ACVR1C: variants seen among roughly 807,000 people sequenced by gnomAD.
ACVR1C encodes activin receptor type-1C.
A neutral mutation model predicts 57.9 loss-of-function variants in ACVR1C; 23 were observed. The observed-to-expected ratio is 0.40, with a 90% CI of 0.29 to 0.56. The LOEUF is 0.56. Among genes scored for constraint, ACVR1C ranks in the 20% least tolerant of loss-of-function variants. ACVR1C has a pLI of 0.50. For missense variants in ACVR1C, 480 were observed against 607.9 expected, an observed-to-expected ratio of 0.79 and a Z score of 2.21; for synonymous variants, 214 against 215.3, an observed-to-expected ratio of 0.99 and a Z score of 0.05.
At chr2:157,598,374 T>A (rs1291856035) in intron 1 of ACVR1C, among the ~76,000 whole-genome samples, 1 of 151,206 alleles carries the variant, frequency 6.6e-6, no homozygotes, top group South Asian at 2.1e-4. Context: ...ATAAAATAGC[T>A]CACATTAAAA....
chr2:157,623,662 G>T (rs1425431721), intron 1 of ACVR1C, among the ~76,000 whole-genome samples: 2 of 152,034 alleles, frequency 1.3e-5, no homozygotes, highest in Non-Finnish European at 2.9e-5. Context: ...AATATGGAAA[G>T]AATGAATAGG....
At chr2:157,623,009 T>C (rs1249025272) in intron 1 of ACVR1C, among the ~76,000 whole-genome samples, 4 of 151,962 alleles carry the variant, frequency 2.6e-5, no homozygotes, top group Non-Finnish European at 5.9e-5. Flanking sequence ...CATGAAAAGG[T>C]GCTCAACATC....
At chr2:157,540,461 G>A (rs1687600318) in intron 7 of ACVR1C, among the ~76,000 whole-genome samples, 1 of 151,896 alleles carries the variant, frequency 6.6e-6, no homozygotes, top group African/African-American at 2.4e-5. Context: ...GGCATGCCTG[G>A]CTAATTTTGT....
At chr2:157,555,182 A>G (rs571117462) in intron 3 of ACVR1C, among the ~76,000 whole-genome samples, 280 of 131,384 alleles carry the variant, frequency 2.1e-3, no homozygotes, top group Middle Eastern at 0.015. Flanking sequence ...GCAGTGGCGC[A>G]ATCTCGGCTC....
At chr2:157,606,646 ATTGT>A (rs374796376) in intron 1 of ACVR1C, among the ~76,000 whole-genome samples, 81 of 150,638 alleles carry the variant, frequency 5.4e-4, no homozygotes, top group African/African-American at 9.0e-4. Flanking sequence ...TTTTAATAGG[ATTGT>A]TTGTTTGTTT....
chr2:157,589,817 C>G (rs1689020679), intron 1 of ACVR1C, among the ~76,000 whole-genome samples: 1 of 151,856 alleles, frequency 6.6e-6, no homozygotes, highest in Non-Finnish European at 1.5e-5. Context: ...CGGCATGGTA[C>G]TGGTATAAAA....
intron 4 of ACVR1C, among the ~76,000 whole-genome samples, chr2:157,549,952 G>A (rs1425848630): frequency 1.4e-5 from 2 of 143,640 alleles, no homozygotes; most frequent in East Asian, 2.0e-4. Flanking sequence ...GCGGTGAGCC[G>A]AGATTGAGCC....
intron 4 of ACVR1C, among the ~76,000 whole-genome samples, chr2:157,544,952 G>A (rs1366817276): frequency 6.6e-6 from 1 of 152,054 alleles, no homozygotes; most frequent in Non-Finnish European, 1.5e-5. Flanking sequence ...ATGCATTTAG[G>A]CTCAGTGTGT....
At chr2:157,617,487 C>T (rs994544374) in intron 1 of ACVR1C, among the ~76,000 whole-genome samples, 4 of 151,972 alleles carry the variant, frequency 2.6e-5, no homozygotes, top group Non-Finnish European at 1.5e-5. Flanking sequence ...TTTGGGAGTA[C>T]CGCATTGAGG....
chr2:157,562,819 G>A lies in ACVR1C; in HGVS notation c.305-6487C>T, dbSNP rs555329992. 1.2e-4 allele frequency among the ~76,000 whole-genome samples: 19 copies of A among 152,180 alleles called. No individual in the cohort carries two copies. The South Asian group carries it at 2.9e-3, about 23-fold the overall frequency. ...GGGATGCAAGGCTGGTTCAACATAC[G>A]CAAATCAATAAATGTAATCCATCAC... is the stretch of plus-strand genomic sequence containing the variant. On this transcript the variant is annotated intron_variant, in intron 2 of 8. Coordinates refer to ENST00000243349, the MANE Select transcript of ACVR1C (RefSeq NM_145259.3).
intron 2 of ACVR1C, among the ~76,000 whole-genome samples, chr2:157,583,269 T>A (rs1337798800): frequency 6.6e-6 from 1 of 152,186 alleles, no homozygotes; most frequent in Non-Finnish European, 1.5e-5. Context: ...ATATTAAAAA[T>A]ACCATTCACA....
At chr2:157,579,535 A>G (rs566772348) in intron 2 of ACVR1C, among the ~76,000 whole-genome samples, 4 of 152,204 alleles carry the variant, frequency 2.6e-5, no homozygotes, top group African/African-American at 9.6e-5. Context: ...AATATTTTCA[A>G]GTTTGCCTTT....
At chr2:157,537,764 G>A (rs1191635821) in intron 8 of ACVR1C, among the ~76,000 whole-genome samples, 2 of 152,168 alleles carry the variant, frequency 1.3e-5, no homozygotes, top group Non-Finnish European at 2.9e-5. Flanking sequence ...TAGTTAGATG[G>A]TTTAGAGTCT....
chr2:157,628,624 T>A lies in ACVR1C; in HGVS notation c.21A>T (p.Ser7=). The change falls in exon 1 of 9, where the codon TCA becomes TCT. Residue 7 remains serine (S), a synonymous_variant. Coordinates refer to ENST00000243349, the MANE Select transcript of ACVR1C (RefSeq NM_145259.3). MTRALC[S]ALRQALLLLA... ...GCAGCAGGAGAGCCTGGCGGAGCGC[T>A]GAGCAGAGCGCCCGGGTCATCGCCA... 6.3e-7 allele frequency: 1 copy of A among 1,594,988 alleles called. No individual in the cohort carries two copies. The highest frequency in any genetic ancestry group is 8.5e-7 in the Non-Finnish European group (1 of 1,171,876).
At position 157,527,798 on chromosome 2, in the gene ACVR1C, T is replaced by C. The variant is rs2105191905; in HGVS notation, c.*6120A>G. On this transcript the variant is annotated 3_prime_UTR_variant, in exon 9 of 9. Coordinates refer to ENST00000243349, the MANE Select transcript of ACVR1C (RefSeq NM_145259.3). ...GAAATAGAAATATTAGTAAATGTCA[T>C]TCTACGCTTGCATTTGTTAGACAAA... 6.6e-6 allele frequency: 1 copy of C among 152,332 alleles called. No individual in the cohort carries two copies. The highest frequency in any genetic ancestry group is 2.1e-4 in the South Asian group (1 of 4,830). The allele number at this position is 152,332 out of a possible 1,614,324, so 9.4% of individuals were successfully genotyped here. A position where few individuals can be genotyped will look rare whatever the true frequency, so the allele number is the denominator to read the frequency against.
chr2:157,545,137 G>C (rs534589734), intron 4 of ACVR1C, among the ~76,000 whole-genome samples: 2 of 152,232 alleles, frequency 1.3e-5, no homozygotes, highest in South Asian at 4.2e-4. Context: ...TATAGTAAGA[G>C]CCAAACACAA....
chr2:157,592,640 C>T (rs941690875), intron 1 of ACVR1C, among the ~76,000 whole-genome samples: 1 of 152,086 alleles, frequency 6.6e-6, no homozygotes, highest in Non-Finnish European at 1.5e-5. Context: ...TCTCATATTT[C>T]ATTTCCCACC....
intron 1 of ACVR1C, among the ~76,000 whole-genome samples, chr2:157,614,069 A>C (rs1682591444): frequency 6.6e-6 from 1 of 152,164 alleles, no homozygotes; most frequent in African/African-American, 2.4e-5. Context: ...CAGGTTATTT[A>C]TTATTTCTTG....
intron 2 of ACVR1C, among the ~76,000 whole-genome samples, chr2:157,559,014 C>T (rs1304709163): frequency 1.3e-5 from 2 of 152,240 alleles, no homozygotes; most frequent in African/African-American, 2.4e-5. Flanking sequence ...TATTTTGATA[C>T]GTGTTATTGG....
Sources: allele counts gnomAD v4.1 joint callset (sites outside exome capture counted in the v4.1 genomes callset), GRCh38; gene constraint gnomAD v4.1.1; transcripts MANE v1.5; gene names NCBI Gene and HGNC (gene_info 2026-07-23, HGNC 2026-07-21).